Variants in CFTR observed in about 807,000 individuals in gnomAD.
CFTR encodes cystic fibrosis transmembrane conductance regulator.
In CFTR, 181 loss-of-function variants were observed where a neutral mutation model predicts 171.6. The ratio of observed to expected loss-of-function variants is 1.05; its 90% CI spans 0.93 to 1.19. The LOEUF is 1.19. Ranked by LOEUF, CFTR falls within the 50% of genes most tolerant of loss-of-function variation. The probability of loss-of-function intolerance (pLI) is 0.00; values close to 1 mark genes in which losing one functional copy is unlikely to be tolerated. For missense variants in CFTR, 1,968 were observed against 1,734.7 expected, an observed-to-expected ratio of 1.13 and a Z score of -2.39; for synonymous variants, 583 against 608.0, an observed-to-expected ratio of 0.96 and a Z score of 0.60.
chr7:117,642,627 CT>C, intron 23 of CFTR, 34 bp downstream of exon 23: 3 of 1,607,272 alleles, frequency 1.9e-6, no homozygotes, highest in Non-Finnish European at 2.6e-6. Flanking sequence ...AAAAAGGCAA[CT>C]AAATTATATT....
chr7:117,555,629 G>A (rs962873401), intron 10 of CFTR, among the ~76,000 whole-genome samples: 2 of 152,146 alleles, frequency 1.3e-5, no homozygotes, highest in Non-Finnish European at 1.5e-5. Context: ...CGGAAAAGTT[G>A]TAACAGTACA....
chr7:117,566,599 TAAA>T (rs74273928), intron 11 of CFTR, among the ~76,000 whole-genome samples: 2 of 140,436 alleles, frequency 1.4e-5, no homozygotes, highest in African/African-American at 5.1e-5. Context: ...AGCAATAACT[TAAA>T]AAAAAAAAAA....
intron 1 of CFTR, 109 bp downstream of exon 1, chr7:117,480,256 C>T: frequency 2.2e-6 from 2 of 926,872 alleles, no homozygotes; most frequent in South Asian, 1.3e-5. Flanking sequence ...TAAAAAGATG[C>T]GCTATCATTC....
intron 10 of CFTR, among the ~76,000 whole-genome samples, chr7:117,557,677 CT>C (rs1245984418): frequency 1.3e-5 from 2 of 151,994 alleles, no homozygotes; most frequent in Middle Eastern, 3.4e-3. Context: ...AATTATAGTC[CT>C]TTTTTTGTTT....
chr7:117,565,718 G>A (rs545153100), intron 11 of CFTR, among the ~76,000 whole-genome samples: 1 of 152,100 alleles, frequency 6.6e-6, no homozygotes, highest in East Asian at 1.9e-4. Context: ...AGTTGAAGAA[G>A]GTAAAATCTG....
intron 10 of CFTR, among the ~76,000 whole-genome samples, chr7:117,558,289 G>A (rs1799394061): frequency 6.6e-6 from 1 of 152,036 alleles, no homozygotes; most frequent in Admixed American, 6.6e-5. Flanking sequence ...TTCATTCTAT[G>A]TGACTCTAGT....
chr7:117,561,346 A>C (rs1351989066), intron 11 of CFTR, among the ~76,000 whole-genome samples: 2 of 151,992 alleles, frequency 1.3e-5, no homozygotes, highest in Non-Finnish European at 2.9e-5. Context: ...CCTTAAAATT[A>C]TTTTTGAAGT....
chr7:117,637,336 G>A (rs530319511), intron 22 of CFTR, among the ~76,000 whole-genome samples: 172 of 152,076 alleles, frequency 1.1e-3, no homozygotes, highest in African/African-American at 4.0e-3. Context: ...ACTGGTAGGT[G>A]TAGCAGAGGG....
intron 3 of CFTR, among the ~76,000 whole-genome samples, chr7:117,522,509 T>G (rs559627149): frequency 1.3e-5 from 2 of 152,354 alleles, no homozygotes; most frequent in Admixed American, 6.5e-5. Flanking sequence ...GTATCAGGCT[T>G]CTTCTATTAT....
intron 15 of CFTR, among the ~76,000 whole-genome samples, chr7:117,602,002 C>T (rs1304555121): frequency 6.6e-6 from 1 of 152,096 alleles, no homozygotes; most frequent in African/African-American, 2.4e-5. Flanking sequence ...TGTACCTTAT[C>T]TTTATTCATA....
rs748005919 is a variant in CFTR at position 117,504,285 on chromosome 7, G to C, written c.86G>C (p.Arg29Thr). 6.2e-7 allele frequency: 1 copy of C among 1,612,170 alleles called. No individual in the cohort carries two copies. The highest frequency in any genetic ancestry group is 2.2e-5 in the East Asian group (1 of 44,800). ...AGACCAATTTTGAGGAAAGGATACA[G>C]ACAGCGCCTGGAATTGTCAGACATA... ...WTRPILRKGY[R>T]QRLELSDIYQ... Residue 29 changes from arginine to threonine, a missense_variant, in exon 2 of 27, where the codon AGA becomes ACA. By Grantham distance (71) the Arg-to-Thr change is moderately conservative (BLOSUM62 -1). Transcript: ENST00000003084.
At chr7:117,617,255 T>C (rs6942892) in intron 21 of CFTR, among the ~76,000 whole-genome samples, 1,634 of 151,784 alleles carry the variant, frequency 0.011, 29 homozygotes, top group African/African-American at 0.037. Flanking sequence ...AACAGAATTC[T>C]GAAGTTATAA....
intron 1 of CFTR, among the ~76,000 whole-genome samples, chr7:117,500,202 GT>G (rs1025900129): frequency 1.3e-5 from 2 of 148,790 alleles, no homozygotes; most frequent in African/African-American, 2.5e-5. Context: ...TAGATGTCTG[GT>G]TTTTTTTTGT....
At chr7:117,498,882 A>G (rs917492668) in intron 1 of CFTR, among the ~76,000 whole-genome samples, 1 of 150,900 alleles carries the variant, frequency 6.6e-6, no homozygotes, top group African/African-American at 2.4e-5. Context: ...TGGCAAATAC[A>G]TTGGATGATC....
intron 1 of CFTR, among the ~76,000 whole-genome samples, chr7:117,500,328 C>G (rs1394838396): frequency 7.0e-6 from 1 of 143,322 alleles, no homozygotes; most frequent in African/African-American, 2.6e-5. Flanking sequence ...CTCTTGTTGC[C>G]CAGGCTGGAG....
intron 21 of CFTR, among the ~76,000 whole-genome samples, chr7:117,619,602 C>A (rs1792542839): frequency 6.6e-6 from 1 of 151,598 alleles, no homozygotes; most frequent in African/African-American, 2.4e-5. Context: ...TGCCTTACTC[C>A]TGATGCCTAA....
At chr7:117,640,053 T>C (rs1792887889) in intron 22 of CFTR, among the ~76,000 whole-genome samples, 1 of 152,144 alleles carries the variant, frequency 6.6e-6, no homozygotes, top group Non-Finnish European at 1.5e-5. Flanking sequence ...TTCAACATAT[T>C]ATTTTGATTT....
At chr7:117,660,727 T>C (rs889289549) in intron 24 of CFTR, among the ~76,000 whole-genome samples, 4 of 151,840 alleles carry the variant, frequency 2.6e-5, no homozygotes, top group Non-Finnish European at 4.4e-5. Flanking sequence ...TATACATATA[T>C]ATACATATTT....
Position 117,645,744 on chromosome 7 carries a change from A to G in CFTR, c.3873+3151A>G, listed in dbSNP as rs956402568. Reference sequence around the variant, plus strand: ...CCACATGGGATTTGGAGCCTTGTTTATAAACCTGGCACTTCTAATATATCT... The same window carrying G: ...CCACATGGGATTTGGAGCCTTGTTTGTAAACCTGGCACTTCTAATATATCT... On this transcript the variant is annotated intron_variant, in intron 23 of 26. Transcript: ENST00000003084. Among the ~76,000 whole-genome samples, 67 of 152,186 alleles carry G rather than the reference A, an allele frequency of 4.4e-4. 1 individual carries two copies. The highest frequency in any genetic ancestry group is 1.6e-3 in the African/African-American group (66 of 41,444).
Sources: gnomAD v4.1 joint callset for allele counts (sites outside exome capture counted in the v4.1 genomes callset) on GRCh38, gnomAD v4.1.1 for gene constraint, MANE v1.5 for transcripts, NCBI Gene and HGNC (gene_info 2026-07-23, HGNC 2026-07-21) for gene names.